Variants in AXDND1 observed in about 807,000 individuals in gnomAD.
AXDND1 encodes axonemal dynein light chain domain containing 1.
A neutral mutation model predicts 137.5 loss-of-function variants in AXDND1; 110 were observed. The ratio of observed to expected loss-of-function variants is 0.80; its 90% CI spans 0.69 to 0.94. The LOEUF is 0.94. Among genes scored for constraint, AXDND1 ranks in the 40% least tolerant of loss-of-function variants. The probability of loss-of-function intolerance (pLI) is 0.00; values close to 1 mark genes in which losing one functional copy is unlikely to be tolerated. For synonymous variants in AXDND1, 414 were observed against 399.7 expected (o/e 1.04, Z -0.43); for missense variants, 1,191 against 1,169.8 (o/e 1.02, Z -0.26).
intron 16 of AXDND1, among the ~76,000 whole-genome samples, chr1:179,465,521 A>G (rs763754925): frequency 6.6e-6 from 1 of 152,210 alleles, no homozygotes; most frequent in Non-Finnish European, 1.5e-5. Context: ...ATGAGGTGTC[A>G]GTTGGCCCCT....
intron 16 of AXDND1, chr1:179,447,626 CG>C: frequency 8.0e-7 from 1 of 1,251,486 alleles, no homozygotes; most frequent in Non-Finnish European, 1.1e-6. Context: ...TTGCTTGAAG[CG>C]GGGATGACAA....
intron 25 of AXDND1, among the ~76,000 whole-genome samples, chr1:179,553,859 C>CCTCA (rs1673673422): frequency 6.6e-6 from 1 of 152,082 alleles, no homozygotes; most frequent in South Asian, 2.1e-4. Flanking sequence ...GATTCTCCTG[C>CCTCA]CTCAGCCTCC....
At chr1:179,475,617 G>A (rs1169773747) in intron 17 of AXDND1, among the ~76,000 whole-genome samples, 1 of 152,192 alleles carries the variant, frequency 6.6e-6, no homozygotes, top group African/African-American at 2.4e-5. Context: ...ATCTTGGAAG[G>A]AATTAACTGT....
chr1:179,398,261 A>G (rs549802971), intron 11 of AXDND1, among the ~76,000 whole-genome samples: 1 of 152,156 alleles, frequency 6.6e-6, no homozygotes, highest in Non-Finnish European at 1.5e-5. Flanking sequence ...TAGGGGGCCA[A>G]CGCTCAGCTT....
chr1:179,369,966 T>G lies in AXDND1; in HGVS notation c.271-9T>G. 1 of 1,608,838 alleles carries G rather than the reference T, an allele frequency of 6.2e-7. No individual in the cohort carries two copies. Among genetic ancestry groups the G allele is most frequent in the Non-Finnish European group, 8.5e-7 (1 of 1,175,658 alleles). Reference sequence around the variant, plus strand: ...TGCTGGATATTCATGTGTATTTGCTTTTTCCCAGGGCACTCTTCCACGCCT... The same window carrying G: ...TGCTGGATATTCATGTGTATTTGCTGTTTCCCAGGGCACTCTTCCACGCCT... On this transcript the variant is annotated splice_polypyrimidine_tract_variant and intron_variant, in intron 3 of 25. Coordinates refer to ENST00000367618, the MANE Select transcript of AXDND1 (RefSeq NM_144696.6).
At chr1:179,449,100 G>T (rs1312444480) in intron 16 of AXDND1, 1 of 450,890 alleles carries the variant, frequency 2.2e-6, no homozygotes, top group Non-Finnish European at 4.5e-6. Context: ...TGCACAGGCT[G>T]GTCTCAAACT....
intron 16 of AXDND1, chr1:179,453,775 G>T (rs1418620517): frequency 1.4e-5 from 2 of 142,772 alleles, no homozygotes; most frequent in Non-Finnish European, 3.0e-5. Context: ...ACTCCAGCCT[G>T]GGCAAGAAGA....
At chr1:179,373,499 A>G (rs56253737) in intron 4 of AXDND1, among the ~76,000 whole-genome samples, 16,246 of 152,244 alleles carry the variant, frequency 0.11, 990 homozygotes, top group African/African-American at 0.14. Flanking sequence ...ACGGAACCAA[A>G]AAAGAGCCCA....
intron 15 of AXDND1, among the ~76,000 whole-genome samples, chr1:179,439,543 G>C (rs192456030): frequency 3.0e-4 from 46 of 152,292 alleles, no homozygotes; most frequent in Admixed American, 9.8e-4. Flanking sequence ...TACTGCTGGG[G>C]GATTGGGAAC....
At chr1:179,463,627 A>T (rs933142641) in intron 16 of AXDND1, among the ~76,000 whole-genome samples, 3 of 152,304 alleles carry the variant, frequency 2.0e-5, no homozygotes, top group Non-Finnish European at 2.9e-5. Context: ...TGTAGATGTC[A>T]GTTAGGTCTG....
intron 17 of AXDND1, among the ~76,000 whole-genome samples, chr1:179,471,078 C>T (rs1050305049): frequency 5.9e-5 from 9 of 152,058 alleles, no homozygotes; most frequent in Non-Finnish European, 1.0e-4. Flanking sequence ...ATTAACTTTG[C>T]TTGCATAGGA....
intron 16 of AXDND1, chr1:179,457,003 G>T: frequency 1.9e-6 from 3 of 1,567,232 alleles, no homozygotes; most frequent in Non-Finnish European, 2.6e-6. Context: ...CTTCTTTAAT[G>T]CCACCAACAA....
At chr1:179,376,858 G>C (rs1226970763) in intron 4 of AXDND1, among the ~76,000 whole-genome samples, 1 of 152,034 alleles carries the variant, frequency 6.6e-6, no homozygotes, top group African/African-American at 2.4e-5. Context: ...ATAAATATTT[G>C]CTGAGCAAAT....
At chr1:179,498,153 A>G (rs1427089066) in intron 20 of AXDND1, among the ~76,000 whole-genome samples, 1 of 152,134 alleles carries the variant, frequency 6.6e-6, no homozygotes, top group Non-Finnish European at 1.5e-5. Context: ...AATTTGAAAA[A>G]AATATTAAAA....
intron 21 of AXDND1, among the ~76,000 whole-genome samples, chr1:179,521,095 G>A (rs1453851965): frequency 6.6e-6 from 1 of 152,056 alleles, no homozygotes; most frequent in Non-Finnish European, 1.5e-5. Flanking sequence ...CGGACTATGT[G>A]GGATTATAGG....
At chr1:179,402,785 C>G (rs1428748369) in intron 11 of AXDND1, among the ~76,000 whole-genome samples, 2 of 152,194 alleles carry the variant, frequency 1.3e-5, no homozygotes, top group African/African-American at 4.8e-5. Context: ...AGTTGTCATA[C>G]TCATTGTCTT....
At chr1:179,472,518 G>A (rs6672310) in intron 17 of AXDND1, among the ~76,000 whole-genome samples, 99,976 of 152,018 alleles carry the variant, frequency 0.66, 32,977 homozygotes, top group East Asian at 0.85. Flanking sequence ...TAGTTGGTTT[G>A]TAGTATTGTT....
At chr1:179,473,394 A>T (rs193223632) in intron 17 of AXDND1, among the ~76,000 whole-genome samples, 66 of 152,178 alleles carry the variant, frequency 4.3e-4, no homozygotes, top group African/African-American at 1.4e-3. Context: ...GCTACTTGGG[A>T]GGCTGAGGCA....
intron 17 of AXDND1, among the ~76,000 whole-genome samples, chr1:179,473,448 A>C (rs142945809): frequency 4.6e-5 from 7 of 152,276 alleles, no homozygotes; most frequent in African/African-American, 9.6e-5. Context: ...CAGTGAGCCG[A>C]GATCGCGCCA....
Sources: gnomAD v4.1 joint callset for allele counts (sites outside exome capture counted in the v4.1 genomes callset) on GRCh38, gnomAD v4.1.1 for gene constraint, MANE v1.5 for transcripts, NCBI Gene and HGNC (gene_info 2026-07-23, HGNC 2026-07-21) for gene names.